Variants in MEI1 observed in about 807,000 individuals in gnomAD.
The protein encoded by MEI1 is meiotic double-stranded break formation protein 1.
Under a neutral mutation model 146.2 loss-of-function variants are expected in MEI1, and 103 were observed. The ratio of observed to expected loss-of-function variants is 0.70; its 90% CI spans 0.60 to 0.83. The LOEUF is 0.83. MEI1 is among the 40% of genes least tolerant of loss of function. The pLI, the probability that MEI1 is intolerant of heterozygous loss-of-function variation, is 0.00. For synonymous variants in MEI1, 652 were observed against 628.2 expected, an observed-to-expected ratio of 1.04 and a Z score of -0.57; for missense variants, 1,529 against 1,533.0, an observed-to-expected ratio of 1.00 and a Z score of 0.04.
intron 30 of MEI1, among the ~76,000 whole-genome samples, chr22:41,796,068 A>G (rs368827715): frequency 1.3e-5 from 2 of 152,210 alleles, no homozygotes; most frequent in African/African-American, 4.8e-5. Context: ...ACCTAGGTGC[A>G]CTAGTCTTCT....
Position 41,781,310 on chromosome 22 carries a change from C to T in MEI1, c.2842C>T (p.Pro948Ser). 6.2e-7 allele frequency: 1 copy of T among 1,612,858 alleles called. No individual in the cohort carries two copies. Among genetic ancestry groups the T allele is most frequent in the Non-Finnish European group, 8.5e-7 (1 of 1,179,512 alleles). Reference sequence around the variant, plus strand: ...AAGCAAGCTGTGTGGGAAGTGCAGCCCCACTGACGTGGACATCCTGCAGCC... The same window carrying T: ...AAGCAAGCTGTGTGGGAAGTGCAGCTCCACTGACGTGGACATCCTGCAGCC... ...QVSKLCGKCS[P>S]TDVDILQPSF... The change falls in exon 23 of 31, where the codon CCC becomes TCC. Residue 948 changes from proline to serine, a missense_variant. Pro to Ser is a moderately conservative substitution (Grantham distance 74, BLOSUM62 -1). Around this residue, in one of 3 missense-constraint regions of MEI1, gnomAD observed 1,212 missense variants for 1,178.9 expected, o/e 1.03. Transcript: ENST00000401548.
At chr22:41,761,836 T>TA (rs1348177870) in intron 18 of MEI1, among the ~76,000 whole-genome samples, 2 of 152,212 alleles carry the variant, frequency 1.3e-5, no homozygotes, top group African/African-American at 4.8e-5. Context: ...TCTTTGGAGT[T>TA]ACCTATTCTG....
At chr22:41,787,710 G>C (rs1400564937) in intron 26 of MEI1, among the ~76,000 whole-genome samples, 1 of 152,102 alleles carries the variant, frequency 6.6e-6, no homozygotes, top group Non-Finnish European at 1.5e-5. Context: ...CAGGAGGTGT[G>C]GGGGGAATGA....
At chr22:41,769,877 G>A (rs1043725688) in intron 19 of MEI1, among the ~76,000 whole-genome samples, 2 of 151,846 alleles carry the variant, frequency 1.3e-5, no homozygotes, top group South Asian at 2.1e-4. Flanking sequence ...GCTCACACCT[G>A]TAATCCCAGC....
chr22:41,795,369 G>A lies in MEI1; in HGVS notation c.3535-42G>A, dbSNP rs746384158. ...AGCAGTTGTCTATGATGAAGGAGAT[G>A]CCAAATCACTGGGTGTTTGGGGGTT... On this transcript the variant is annotated intron_variant, in intron 28 of 30. Transcript: ENST00000401548. The surrounding 1 kb of genome is among the most constrained non-coding windows in gnomAD (Gnocchi z 4.2). The A allele has an allele frequency of 1.2e-5, 19 of 1,609,276 alleles. No homozygotes were observed. In the East Asian group the frequency reaches 2.7e-4, roughly 23 times the overall value.
rs1324182540 is a variant in MEI1, at chr22:41,723,657, T to C, written c.734-286T>C. On this transcript the variant is annotated intron_variant, in intron 6 of 30. Transcript: ENST00000401548. ...TGTTATGTTGAAAAAACTCACATTATTCCTGCCCTCATGAAACTTATAGTT... is the reference window on the plus strand; with the variant it reads ...TGTTATGTTGAAAAAACTCACATTACTCCTGCCCTCATGAAACTTATAGTT... Among the ~76,000 whole-genome samples, 3 of 152,214 alleles carry C rather than the reference T, an allele frequency of 2.0e-5. No homozygotes were observed. The East Asian group carries it at 5.8e-4, about 29-fold the overall frequency.
intron 14 of MEI1, among the ~76,000 whole-genome samples, chr22:41,747,744 A>G (rs1373634482): frequency 7.3e-5 from 11 of 150,194 alleles, no homozygotes; most frequent in African/African-American, 2.4e-4. Flanking sequence ...CCCAAAAAAA[A>G]CAAATATGAA....
At chr22:41,725,148 G>C (rs1158570952) in intron 7 of MEI1, among the ~76,000 whole-genome samples, 1 of 150,976 alleles carries the variant, frequency 6.6e-6, no homozygotes, top group Non-Finnish European at 1.5e-5. Flanking sequence ...TAGTCTCGCT[G>C]TTGCCCAGGC....
intron 24 of MEI1, among the ~76,000 whole-genome samples, chr22:41,782,184 A>G (rs1463616948): frequency 6.6e-6 from 1 of 152,200 alleles, no homozygotes; most frequent in East Asian, 1.9e-4. Context: ...AGATAGTGGG[A>G]GAAGGCATTC....
intron 22 of MEI1, 24 bp from the exon 23 acceptor site, chr22:41,781,260 A>G (rs1284140216): frequency 1.9e-5 from 30 of 1,574,960 alleles, no homozygotes; most frequent in Non-Finnish European, 2.5e-5. Flanking sequence ...CGACAGGCCG[A>G]CTGGGGACTT....
At chr22:41,720,962 G>A (rs1329505228) in intron 6 of MEI1, among the ~76,000 whole-genome samples, 4 of 150,148 alleles carry the variant, frequency 2.7e-5, no homozygotes, top group African/African-American at 9.8e-5. Flanking sequence ...TTTTTTTTAA[G>A]TAGAGACGGG....
chr22:41,717,170 T>TTAA (rs981976543), intron 5 of MEI1, among the ~76,000 whole-genome samples: 40 of 151,956 alleles, frequency 2.6e-4, no homozygotes, highest in African/African-American at 6.5e-4. Flanking sequence ...TTTAAAAAAA[T>TTAA]TAATAATAAT....
rs574040187 is a variant in MEI1 at position 41,710,340 on chromosome 22, A to T, written c.350-3662A>T. Among the ~76,000 whole-genome samples the T allele has an allele frequency of 2.6e-5, 4 of 152,294 alleles. No homozygotes were observed. In the South Asian group the frequency reaches 8.3e-4, roughly 32 times the overall value. On this transcript the variant is annotated intron_variant, in intron 3 of 30. Coordinates refer to ENST00000401548, the MANE Select transcript of MEI1 (RefSeq NM_152513.4). ...GCCATCCAGTCTGTGGTATTTTATTATGGAAGCCCTAGTGAGCTATTATAG... is the reference window on the plus strand; with the variant it reads ...GCCATCCAGTCTGTGGTATTTTATTTTGGAAGCCCTAGTGAGCTATTATAG...
intron 19 of MEI1, among the ~76,000 whole-genome samples, chr22:41,764,293 T>C (rs1351187797): frequency 1.3e-5 from 2 of 152,186 alleles, no homozygotes; most frequent in East Asian, 3.8e-4. Context: ...TTTAAGTTAA[T>C]AAACAGATAA....
At position 41,722,914 on chromosome 22, in the gene MEI1, C is replaced by G. The variant is rs142654071; in HGVS notation, c.734-1029C>G. Among the ~76,000 whole-genome samples, 212 of 152,300 alleles carry G rather than the reference C, an allele frequency of 1.4e-3. 2 individuals carry two copies. The highest frequency in any genetic ancestry group is 4.9e-3 in the African/African-American group (202 of 41,568). ...GAATCCCAGCATAAGTACCAGAATC[C>G]TTAACATAGCTTATGTGGTCTTTTG... On this transcript the variant is annotated intron_variant, in intron 6 of 30. Transcript: ENST00000401548.
intron 7 of MEI1, 78 bp from the exon 8 acceptor site, chr22:41,729,587 G>T (rs1569196186): frequency 1.2e-6 from 1 of 828,990 alleles, no homozygotes; most frequent in Admixed American, 2.0e-5. Flanking sequence ...TTAGGCTATT[G>T]CCCTGAGGCA....
intron 11 of MEI1, among the ~76,000 whole-genome samples, chr22:41,736,179 C>T (rs1291372367): frequency 6.6e-6 from 1 of 151,854 alleles, no homozygotes; most frequent in Non-Finnish European, 1.5e-5. Flanking sequence ...ACTACATTGT[C>T]TTCTCTTCTC....
intron 30 of MEI1, among the ~76,000 whole-genome samples, chr22:41,798,842 A>G (rs2148289861): frequency 6.7e-6 from 1 of 148,548 alleles, no homozygotes; most frequent in East Asian, 2.0e-4. Context: ...GCCACTGCAC[A>G]CTCCAGCCTG....
intron 19 of MEI1, among the ~76,000 whole-genome samples, chr22:41,766,499 A>C (rs532848930): frequency 5.9e-5 from 9 of 151,982 alleles, no homozygotes; most frequent in South Asian, 2.1e-4. Context: ...TTTAGTTGGA[A>C]TTCTACTGTA....
Sources: gnomAD v4.1 joint callset for allele counts (sites outside exome capture counted in the v4.1 genomes callset) on GRCh38, gnomAD v4.1.1 for gene constraint, gnomAD v4.1.1 regional missense constraint, Gnocchi (gnomAD v3.1) non-coding constraint, MANE v1.5 for transcripts, NCBI Gene and HGNC (gene_info 2026-07-23, HGNC 2026-07-21) for gene names.